Variants in DNAAF9 observed in about 807,000 individuals in gnomAD.
The protein encoded by DNAAF9 is dynein axonemal assembly factor 9.
In DNAAF9, 90 loss-of-function variants were observed where a neutral mutation model predicts 167.0. The observed-to-expected ratio is 0.54, with a 90% CI of 0.45 to 0.64. The LOEUF is 0.64. DNAAF9 is among the 30% of genes least tolerant of loss of function. The pLI is 0.00. For synonymous variants in DNAAF9, 491 were observed against 508.8 expected (o/e 0.96, Z 0.47); for missense variants, 1,315 against 1,442.2 (o/e 0.91, Z 1.43).
chr20:3,371,495 C>T (rs1405918173), intron 6 of DNAAF9, among the ~76,000 whole-genome samples: 14 of 151,866 alleles, frequency 9.2e-5, no homozygotes, highest in Admixed American at 2.0e-4. Flanking sequence ...AGGCGCCTGC[C>T]ACCACGCCCG....
chr20:3,297,954 A>G, intron 22 of DNAAF9, 75 bp downstream of exon 22: 1 of 1,191,668 alleles, frequency 8.4e-7, no homozygotes, highest in South Asian at 1.3e-5. Context: ...TAGCCCCAAA[A>G]TGATGCCTTA....
At chr20:3,295,241 C>A (rs572178277) in intron 23 of DNAAF9, among the ~76,000 whole-genome samples, 35 of 151,950 alleles carry the variant, frequency 2.3e-4, no homozygotes, top group Admixed American at 5.2e-4. Flanking sequence ...GGCACGATCT[C>A]GGCTCATTGC....
intron 25 of DNAAF9, among the ~76,000 whole-genome samples, chr20:3,293,079 C>CA (rs202046735): frequency 0.049 from 6,540 of 133,172 alleles, 164 homozygotes; most frequent in African/African-American, 0.078. Context: ...GAGCAAGACT[C>CA]AAAAAAAAAA....
intron 6 of DNAAF9, among the ~76,000 whole-genome samples, chr20:3,364,859 G>A (rs1433746761): frequency 6.6e-6 from 1 of 151,862 alleles, no homozygotes; most frequent in Admixed American, 6.6e-5. Context: ...TTAAGAGGCT[G>A]CGGCAATCCC....
chr20:3,315,825 C>G lies in DNAAF9; in HGVS notation c.1540-40G>C, dbSNP rs1600767542. 6.8e-7 allele frequency: 1 copy of G among 1,476,924 alleles called. No individual in the cohort carries two copies. The highest frequency in any genetic ancestry group is 9.5e-7 in the Non-Finnish European group (1 of 1,054,894). The allele number at this position is 1,476,924 out of a possible 1,614,324, so 91.5% of individuals were successfully genotyped here. A position where few individuals can be genotyped will look rare whatever the true frequency, so the allele number is the denominator to read the frequency against. On this transcript the variant is annotated intron_variant, in intron 18 of 36. Coordinates refer to ENST00000252032, the MANE Select transcript of DNAAF9 (RefSeq NM_001009984.3). This position sits in a 1 kb window ranked among gnomAD's most constrained non-coding sequence, Gnocchi z 4.1. ...AATGCAGATTTTCAGTCAACTACTT[C>G]AAGGGAAAACCCTGCTAGGTCTCCC...
chr20:3,262,998 G>A (rs559985435), intron 31 of DNAAF9, among the ~76,000 whole-genome samples: 10 of 121,070 alleles, frequency 8.3e-5, no homozygotes, highest in South Asian at 2.6e-4. Context: ...TTTTTGAGAC[G>A]GAGTCTCGCT....
intron 10 of DNAAF9, among the ~76,000 whole-genome samples, chr20:3,333,703 G>A (rs1181571404): frequency 6.6e-6 from 1 of 151,326 alleles, no homozygotes; most frequent in Non-Finnish European, 1.5e-5. Context: ...TTTTAAAGGT[G>A]CCAAGTGTTT....
intron 20 of DNAAF9, among the ~76,000 whole-genome samples, chr20:3,305,157 G>C (rs1171230004): frequency 6.6e-6 from 1 of 152,214 alleles, no homozygotes; most frequent in Non-Finnish European, 1.5e-5. Flanking sequence ...CAGGTCTAAG[G>C]AGAGCTGTTG....
At chr20:3,292,219 C>T (rs138318457) in intron 25 of DNAAF9, among the ~76,000 whole-genome samples, 5,530 of 152,044 alleles carry the variant, frequency 0.036, 159 homozygotes, top group East Asian at 0.12. Context: ...AGGCTGGTCT[C>T]GAACTCCTGA....
At chr20:3,326,363 C>G in intron 12 of DNAAF9, 79 bp from the exon 13 acceptor site, 5 of 940,516 alleles carry the variant, frequency 5.3e-6, no homozygotes, top group Non-Finnish European at 8.5e-6. Flanking sequence ...TAAATGACAG[C>G]CCCTAAGAAA....
In DNAAF9 at chr20:3,273,613, AACTC is replaced by A. The variant is rs201980971; in HGVS notation, c.2651-3055_2651-3052del. Reference sequence around the variant, plus strand: ...GGTCTCCTGTGAACTCAAGAGTAAGAACTCACTCACTATCACAAGGACAGCACCA... The same window carrying A: ...GGTCTCCTGTGAACTCAAGAGTAAGAACTCACTATCACAAGGACAGCACCA... On this transcript the variant is annotated intron_variant, in intron 29 of 36. Coordinates refer to ENST00000252032, the MANE Select transcript of DNAAF9 (RefSeq NM_001009984.3). Among the ~76,000 whole-genome samples the A allele has an allele frequency of 9.0e-3, 1,366 of 152,150 alleles. 20 individuals carry two copies. Among genetic ancestry groups the A allele is most frequent in the African/African-American group, 0.032 (1,312 of 41,502 alleles).
At chr20:3,317,739 G>A (rs2069530582) in intron 17 of DNAAF9, among the ~76,000 whole-genome samples, 2 of 152,124 alleles carry the variant, frequency 1.3e-5, no homozygotes, top group South Asian at 2.1e-4. Context: ...TGGGATTACA[G>A]GCACCCACCA....
At chr20:3,269,001 T>C (rs905190692) in intron 30 of DNAAF9, among the ~76,000 whole-genome samples, 1 of 145,310 alleles carries the variant, frequency 6.9e-6, no homozygotes, top group African/African-American at 2.5e-5. Flanking sequence ...CCTCCCAGGT[T>C]CACGCCGTTC....
At chr20:3,400,943 A>G (rs2083974549) in intron 1 of DNAAF9, among the ~76,000 whole-genome samples, 1 of 152,214 alleles carries the variant, frequency 6.6e-6, no homozygotes, top group South Asian at 2.1e-4. Context: ...CACCACACCA[A>G]GCCTTCCTGG....
intron 18 of DNAAF9, 42 bp downstream of exon 18, chr20:3,316,681 C>T: frequency 6.9e-7 from 1 of 1,438,894 alleles, no homozygotes; most frequent in African/African-American, 1.4e-5. Context: ...ACCCTGATTT[C>T]TCCACACGTA....
At chr20:3,299,124 G>A (rs2069138058) in intron 21 of DNAAF9, among the ~76,000 whole-genome samples, 1 of 151,928 alleles carries the variant, frequency 6.6e-6, no homozygotes, top group South Asian at 2.1e-4. Flanking sequence ...GGCCAGGCTG[G>A]TCTCGAACTC....
rs77300721 is a variant in DNAAF9, at chr20:3,354,676, A to T, written c.690+4840T>A. On this transcript the variant is annotated intron_variant, in intron 7 of 36. Transcript: ENST00000252032. ...TTCTCCCCTTTCTGGAAAATCTCTG[A>T]TTACCACACATGACTCCTCTAAGAA... Among the ~76,000 whole-genome samples the T allele has an allele frequency of 4.0e-4, 61 of 152,292 alleles. 1 individual carries two copies. In the East Asian group the frequency reaches 0.012, roughly 29 times the overall value.
At chr20:3,295,560 G>A (rs1013030330) in intron 23 of DNAAF9, 26 of 350,428 alleles carry the variant, frequency 7.4e-5, no homozygotes, top group Non-Finnish European at 5.0e-5. Context: ...GAGCAGTCAC[G>A]AAGATGGTCT....
At position 3,270,522 on chromosome 20, in the gene DNAAF9, C is replaced by G; in HGVS notation, c.2691G>C (p.Glu897Asp). The G allele has an allele frequency of 6.2e-7, 1 of 1,613,062 alleles. No individual in the cohort carries two copies. The highest frequency in any genetic ancestry group is 8.5e-7 in the Non-Finnish European group (1 of 1,179,524). Residue 897 changes from glutamate (E) to aspartate (D), a missense_variant, in exon 30 of 37, where the codon GAG becomes GAC. Physicochemically the swap from Glu to Asp is conservative, Grantham distance 45 (BLOSUM62 2). Transcript: ENST00000252032. ...GCTGAACAAGGAGAGGGTGCCGCTG[C>G]TCCGTGGTGTGACTGGTGAATACCA... ...SNVVFTSHTTEQRHPLLVQLQ... is the reference protein window; with the variant it reads ...SNVVFTSHTTDQRHPLLVQLQ...
Sources: gnomAD v4.1 joint callset for allele counts (sites outside exome capture counted in the v4.1 genomes callset) on GRCh38, gnomAD v4.1.1 for gene constraint, Gnocchi (gnomAD v3.1) non-coding constraint, MANE v1.5 for transcripts, NCBI Gene and HGNC (gene_info 2026-07-23, HGNC 2026-07-21) for gene names.